Variants in ARHGEF26 observed in about 807,000 individuals in gnomAD.
ARHGEF26 encodes the protein Rho guanine nucleotide exchange factor (GEF) 26.
ARHGEF26 carries 59 observed loss-of-function variants against 89.4 expected under a neutral mutation model. The ratio of observed to expected loss-of-function variants is 0.66; its 90% CI spans 0.54 to 0.82. ARHGEF26 has a LOEUF of 0.82. Ranked by LOEUF, ARHGEF26 falls within the 40% of genes least tolerant of loss-of-function variation. The pLI is 0.00. For missense variants in ARHGEF26, 1,234 were observed against 1,085.6 expected, an observed-to-expected ratio of 1.14 and a Z score of -1.92; for synonymous variants, 500 against 428.4, an observed-to-expected ratio of 1.17 and a Z score of -2.06.
At chr3:154,132,817 C>T (rs898162583) in intron 4 of ARHGEF26, among the ~76,000 whole-genome samples, 7 of 151,946 alleles carry the variant, frequency 4.6e-5, no homozygotes, top group Admixed American at 1.3e-4. Flanking sequence ...GCATCATCTA[C>T]GTATATAAAA....
intron 9 of ARHGEF26, among the ~76,000 whole-genome samples, chr3:154,208,763 A>ATTTTTTT (rs35181733): frequency 9.3e-6 from 1 of 107,370 alleles, no homozygotes; most frequent in Non-Finnish European, 1.8e-5. Flanking sequence ...TGCCAATTGC[A>ATTTTTTT]TTTTTTTTTT....
At chr3:154,174,268 T>C (rs993241933) in intron 6 of ARHGEF26, among the ~76,000 whole-genome samples, 1 of 152,194 alleles carries the variant, frequency 6.6e-6, no homozygotes, top group Non-Finnish European at 1.5e-5. Flanking sequence ...TCAGAAAAAG[T>C]GGGAAATCTA....
chr3:154,245,382 T>C (rs1717744269), intron 12 of ARHGEF26, among the ~76,000 whole-genome samples: 1 of 152,244 alleles, frequency 6.6e-6, no homozygotes, highest in Admixed American at 6.5e-5. Flanking sequence ...AGATGTTAAA[T>C]TTAGGATATC....
At chr3:154,151,850 G>A (rs943912686) in intron 5 of ARHGEF26, among the ~76,000 whole-genome samples, 3 of 152,280 alleles carry the variant, frequency 2.0e-5, no homozygotes, top group Admixed American at 1.3e-4. Context: ...ACTTGAAGGG[G>A]TGGAGCCCTG....
intron 12 of ARHGEF26, among the ~76,000 whole-genome samples, chr3:154,247,182 T>C (rs183703309): frequency 1.1e-4 from 17 of 152,330 alleles, no homozygotes; most frequent in Admixed American, 1.1e-3. Flanking sequence ...CTCACACCTA[T>C]GACCATTCCT....
At chr3:154,150,250 C>T (rs1300089632) in intron 5 of ARHGEF26, among the ~76,000 whole-genome samples, 1 of 151,472 alleles carries the variant, frequency 6.6e-6, no homozygotes, top group East Asian at 1.9e-4. Flanking sequence ...TACCCATCCA[C>T]TGAGAATTAA....
At chr3:154,240,891 C>T (rs920188958) in intron 12 of ARHGEF26, among the ~76,000 whole-genome samples, 1 of 152,020 alleles carries the variant, frequency 6.6e-6, no homozygotes, top group Non-Finnish European at 1.5e-5. Flanking sequence ...AAATATGATA[C>T]ACTATCCTTA....
chr3:154,179,188 A>C (rs1167616933), intron 6 of ARHGEF26, among the ~76,000 whole-genome samples: 2 of 152,208 alleles, frequency 1.3e-5, no homozygotes, highest in Non-Finnish European at 2.9e-5. Flanking sequence ...CCTCAAAAAA[A>C]AATATGCATG....
chr3:154,211,566 T>C (rs570545473), intron 9 of ARHGEF26, among the ~76,000 whole-genome samples: 1 of 152,242 alleles, frequency 6.6e-6, no homozygotes, highest in South Asian at 2.1e-4. Context: ...TCTATCTCTT[T>C]AGTGCCTCTT....
chr3:154,254,645 G>A (rs965601048), intron 13 of ARHGEF26, 75 bp from the exon 14 acceptor site: 3 of 1,118,582 alleles, frequency 2.7e-6, no homozygotes, highest in Non-Finnish European at 4.0e-6. Context: ...AGAAAAATAA[G>A]TAAGTGTACA....
At chr3:154,216,499 T>A in intron 9 of ARHGEF26, among the ~76,000 whole-genome samples, 1 of 28,834 alleles carries the variant, frequency 3.5e-5, no homozygotes, top group Non-Finnish European at 5.9e-5. Flanking sequence ...TTTATTTTTT[T>A]TTATTTTTTA....
chr3:154,144,196 A>G (rs149225712), intron 4 of ARHGEF26, among the ~76,000 whole-genome samples: 2 of 152,346 alleles, frequency 1.3e-5, no homozygotes, highest in East Asian at 3.9e-4. Context: ...CTGAAGTTTT[A>G]GAAGGCAGTG....
chr3:154,240,464 A>C lies in ARHGEF26; in HGVS notation c.2185A>C (p.Asn729His). ...NEELNSSPGKNSSTMLYSRQS... is the reference protein window; with the variant it reads ...NEELNSSPGKHSSTMLYSRQS... The stretch of plus-strand genomic sequence containing the variant: ...AGAGCTTAATTCTTCTCCAGGGAAG[A>C]ACAGCTCCACAATGCTCTATTCAAG... Residue 729 changes from asparagine (N) to histidine (H), a missense_variant, in exon 12 of 15, where the codon AAC (asparagine) becomes CAC (histidine). Transcript: ENST00000465093. The C allele has an allele frequency of 6.2e-7, 1 of 1,613,566 alleles. No homozygotes were observed. The highest frequency in any genetic ancestry group is 8.5e-7 in the Non-Finnish European group (1 of 1,179,646).
intron 9 of ARHGEF26, among the ~76,000 whole-genome samples, chr3:154,207,287 G>A (rs995488989): frequency 6.6e-6 from 1 of 152,140 alleles, no homozygotes; most frequent in Admixed American, 6.5e-5. Flanking sequence ...CTTCTGCACA[G>A]CAAAGGAAAC....
chr3:154,152,843 A>C lies in ARHGEF26; in HGVS notation c.1398A>C (p.Lys466Asn). The change falls in exon 6 of 15, where the codon AAA (lysine) becomes AAC (asparagine). Residue 466 changes from lysine (K) to asparagine (N), a missense_variant. Physicochemically the swap from Lys to Asn is moderately conservative, Grantham distance 94. Coordinates refer to ENST00000465093, the MANE Select transcript of ARHGEF26 (RefSeq NM_015595.4). ...TGGAGATCTTGATACGAATGTTTAA[A>C]AATTCTAAAGAACTGAGTGATACAA... Reference protein sequence around the residue: ...LSLEILIRMFKNSKELSDTMT... With the variant: ...LSLEILIRMFNNSKELSDTMT... The C allele has an allele frequency of 6.3e-7, 1 of 1,582,472 alleles. No individual in the cohort carries two copies. The highest frequency in any genetic ancestry group is 8.6e-7 in the Non-Finnish European group (1 of 1,163,256).
At chr3:154,158,120 A>G (rs1711501293) in intron 6 of ARHGEF26, among the ~76,000 whole-genome samples, 1 of 152,196 alleles carries the variant, frequency 6.6e-6, no homozygotes, top group South Asian at 2.1e-4. Flanking sequence ...GGACAGTCCC[A>G]GATAAGCCTG....
At chr3:154,133,811 T>C (rs1337071775) in intron 4 of ARHGEF26, among the ~76,000 whole-genome samples, 3 of 152,222 alleles carry the variant, frequency 2.0e-5, no homozygotes, top group Middle Eastern at 3.2e-3. Context: ...TTTAATGATA[T>C]TCATTTTTCC....
intron 12 of ARHGEF26, among the ~76,000 whole-genome samples, chr3:154,241,516 T>C (rs1224932916): frequency 6.6e-6 from 1 of 152,206 alleles, no homozygotes; most frequent in Admixed American, 6.5e-5. Context: ...TGTTCCTAGA[T>C]GATTAACGAG....
intron 6 of ARHGEF26, among the ~76,000 whole-genome samples, chr3:154,182,346 A>C (rs1713240608): frequency 6.6e-6 from 1 of 152,090 alleles, no homozygotes. Flanking sequence ...TGAGGGAAAA[A>C]GGGGAGCGAG....
Sources: gnomAD v4.1 joint callset for allele counts (sites outside exome capture counted in the v4.1 genomes callset) on GRCh38, gnomAD v4.1.1 for gene constraint, MANE v1.5 for transcripts, NCBI Gene and HGNC (gene_info 2026-07-23, HGNC 2026-07-21) for gene names.